The following ERBB4 variants were observed in gnomAD, a reference collection of about 807,000 sequenced individuals.
The protein encoded by ERBB4 is erb-b2 receptor tyrosine kinase 4.
In ERBB4, 42 loss-of-function variants were observed where a neutral mutation model predicts 158.0. The observed-to-expected ratio is 0.27, with a 90% CI of 0.21 to 0.34. The LOEUF is 0.34. ERBB4 is among the 10% of genes least tolerant of loss of function. The probability of loss-of-function intolerance (pLI) is 1.00; values close to 1 mark genes in which losing one functional copy is unlikely to be tolerated. For missense variants in ERBB4, 1,333 were observed against 1,624.1 expected (o/e 0.82, Z 3.08); for synonymous variants, 583 against 558.7 (o/e 1.04, Z -0.61).
At chr2:212,343,546 G>A (rs1172267813) in intron 1 of ERBB4, among the ~76,000 whole-genome samples, 2 of 152,078 alleles carry the variant, frequency 1.3e-5, no homozygotes, top group Admixed American at 6.6e-5. Flanking sequence ...TACTGAACAG[G>A]AAAGAGGGCC....
intron 13 of ERBB4, among the ~76,000 whole-genome samples, chr2:211,673,507 C>A: frequency 4.4e-5 from 1 of 22,912 alleles, no homozygotes; most frequent in Non-Finnish European, 1.3e-4. Context: ...AAGACATATT[C>A]CAGCAATCTC....
intron 2 of ERBB4, among the ~76,000 whole-genome samples, chr2:212,052,468 C>G (rs958873279): frequency 6.6e-6 from 1 of 152,148 alleles, no homozygotes. Context: ...CACATCTATC[C>G]TACTAGTTCT....
At chr2:212,472,253 G>A (rs17325842) in intron 1 of ERBB4, among the ~76,000 whole-genome samples, 58,228 of 151,134 alleles carry the variant, frequency 0.39, 11,494 homozygotes, top group Non-Finnish European at 0.41. Context: ...GAGAGAGGAC[G>A]CTAAAATGCA....
chr2:212,371,176 T>C (rs540516000), intron 1 of ERBB4, among the ~76,000 whole-genome samples: 3 of 152,310 alleles, frequency 2.0e-5, no homozygotes, highest in Non-Finnish European at 4.4e-5. Flanking sequence ...ATGGGTTTCA[T>C]TGGGACCTGC....
At chr2:211,439,210 C>A (rs1190307834) in intron 20 of ERBB4, among the ~76,000 whole-genome samples, 1 of 152,158 alleles carries the variant, frequency 6.6e-6, no homozygotes, top group Non-Finnish European at 1.5e-5. Flanking sequence ...CCTGGACAGA[C>A]TTACAAAATT....
intron 14 of ERBB4, among the ~76,000 whole-genome samples, chr2:211,669,658 T>A (rs1453480724): frequency 6.6e-6 from 1 of 152,150 alleles, no homozygotes; most frequent in Non-Finnish European, 1.5e-5. Flanking sequence ...TTCCAATCTA[T>A]CCCTTGCAAG....
chr2:211,773,623 T>TATA (rs1559506073), intron 4 of ERBB4, among the ~76,000 whole-genome samples: 1 of 66,580 alleles, frequency 1.5e-5, no homozygotes, highest in African/African-American at 6.9e-5. Context: ...TATATATATA[T>TATA]ATATATATAT....
chr2:212,018,843 G>A (rs1306488596), intron 2 of ERBB4, among the ~76,000 whole-genome samples: 2 of 152,058 alleles, frequency 1.3e-5, no homozygotes, highest in East Asian at 3.9e-4. Context: ...CATTCAAATT[G>A]GGCAATCTGG....
intron 2 of ERBB4, among the ~76,000 whole-genome samples, chr2:212,088,538 AC>A (rs769456203): frequency 4.1e-4 from 63 of 152,236 alleles, no homozygotes; most frequent in Non-Finnish European, 8.2e-4. Flanking sequence ...GAACCAGTAA[AC>A]TTTAGAGATG....
intron 25 of ERBB4, among the ~76,000 whole-genome samples, chr2:211,412,628 A>G (rs1680132573): frequency 6.6e-6 from 1 of 152,142 alleles, no homozygotes; most frequent in Non-Finnish European, 1.5e-5. Flanking sequence ...TAAACATTCA[A>G]TATATTAATT....
At chr2:212,503,576 T>C (rs968241788) in intron 1 of ERBB4, among the ~76,000 whole-genome samples, 1 of 152,220 alleles carries the variant, frequency 6.6e-6, no homozygotes, top group South Asian at 2.1e-4. Flanking sequence ...ATCGTTTACT[T>C]GATGCATATA....
chr2:211,947,661 C>T (rs2125139010), intron 2 of ERBB4, 45 bp from the exon 3 acceptor site: 1 of 1,532,934 alleles, frequency 6.5e-7, no homozygotes, highest in Non-Finnish European at 9.0e-7. Flanking sequence ...ACGAATTTGT[C>T]ACTCTGTATA....
intron 2 of ERBB4, among the ~76,000 whole-genome samples, chr2:212,056,707 C>T (rs1399456678): frequency 6.6e-6 from 1 of 152,108 alleles, no homozygotes; most frequent in Non-Finnish European, 1.5e-5. Flanking sequence ...GAAATAAAGA[C>T]CTTTATAGAC....
At chr2:212,422,998 T>C (rs2091830445) in intron 1 of ERBB4, among the ~76,000 whole-genome samples, 2 of 152,198 alleles carry the variant, frequency 1.3e-5, no homozygotes, top group African/African-American at 4.8e-5. Flanking sequence ...TTTTTTATTC[T>C]TAATATATGA....
At chr2:212,311,246 A>G (rs1210825116) in intron 1 of ERBB4, among the ~76,000 whole-genome samples, 3 of 150,954 alleles carry the variant, frequency 2.0e-5, no homozygotes, top group East Asian at 3.9e-4. Context: ...ATGCCGGAAT[A>G]CTACTGGCAG....
intron 1 of ERBB4, among the ~76,000 whole-genome samples, chr2:212,213,748 C>A (rs1339279521): frequency 1.3e-5 from 2 of 151,732 alleles, no homozygotes; most frequent in East Asian, 3.9e-4. Context: ...ATCACCAGGC[C>A]CCAACTTGCC....
chr2:211,672,043 C>T (rs1374416685), intron 14 of ERBB4, among the ~76,000 whole-genome samples: 2 of 152,138 alleles, frequency 1.3e-5, no homozygotes, highest in African/African-American at 2.4e-5. Context: ...GCTAATCATC[C>T]TTGTGGTCGT....
chr2:212,209,283 T>A (rs1024979978), intron 1 of ERBB4, among the ~76,000 whole-genome samples: 2 of 152,224 alleles, frequency 1.3e-5, no homozygotes, highest in African/African-American at 4.8e-5. Flanking sequence ...ACAGCCATTT[T>A]AAAATGCATA....
At chr2:212,034,326 A>G (rs1357697967) in intron 2 of ERBB4, among the ~76,000 whole-genome samples, 1 of 151,988 alleles carries the variant, frequency 6.6e-6, no homozygotes, top group Non-Finnish European at 1.5e-5. Context: ...TCTAATGGAC[A>G]AAATATATAA....
Sources: allele counts gnomAD v4.1 joint callset (sites outside exome capture counted in the v4.1 genomes callset), GRCh38; gene constraint gnomAD v4.1.1; transcripts MANE v1.5; gene names NCBI Gene and HGNC (gene_info 2026-07-23, HGNC 2026-07-21).